Variants in TTC7B observed in about 807,000 individuals in gnomAD.
TTC7B encodes the protein tetratricopeptide repeat domain 7B.
TTC7B carries 28 observed loss-of-function variants against 106.8 expected under a neutral mutation model. The observed-to-expected ratio is 0.26, with a 90% CI of 0.19 to 0.36. The LOEUF (loss-of-function observed/expected upper bound fraction) is 0.36. Among genes scored for constraint, TTC7B ranks in the 10% least tolerant of loss-of-function variants. The probability of loss-of-function intolerance (pLI) is 1.00; values close to 1 mark genes in which losing one functional copy is unlikely to be tolerated. For missense variants in TTC7B, 862 were observed against 1,076.4 expected, an observed-to-expected ratio of 0.80 and a Z score of 2.79; for synonymous variants, 405 against 430.6, an observed-to-expected ratio of 0.94 and a Z score of 0.74.
chr14:90,768,975 A>G (rs1388601416), intron 3 of TTC7B, among the ~76,000 whole-genome samples: 2 of 152,226 alleles, frequency 1.3e-5, no homozygotes, highest in African/African-American at 4.8e-5. Flanking sequence ...CACTTAAAAG[A>G]ATTATTAGCT....
intron 19 of TTC7B, among the ~76,000 whole-genome samples, chr14:90,572,088 A>G (rs1170806110): frequency 2.6e-5 from 4 of 152,330 alleles, no homozygotes; most frequent in South Asian, 2.1e-4. Context: ...GAGAGAGAGA[A>G]AAACACCAGT....
chr14:90,644,703 C>T (rs1221039101), intron 14 of TTC7B: 3 of 152,984 alleles, frequency 2.0e-5, no homozygotes, highest in African/African-American at 7.2e-5. Context: ...AAACCTTTAA[C>T]AGAGCTTTCC....
intron 17 of TTC7B, among the ~76,000 whole-genome samples, chr14:90,601,425 T>C (rs1399295769): frequency 6.6e-6 from 1 of 152,252 alleles, no homozygotes; most frequent in Non-Finnish European, 1.5e-5. Flanking sequence ...CTTGAATTCC[T>C]TTCTCACTCT....
chr14:90,769,890 T>C (rs1160722159), intron 3 of TTC7B, among the ~76,000 whole-genome samples: 1 of 152,244 alleles, frequency 6.6e-6, no homozygotes, highest in Non-Finnish European at 1.5e-5. Context: ...GGCATGCTTC[T>C]GTAATCTCAG....
At chr14:90,681,414 T>G (rs1887042308) in intron 7 of TTC7B, among the ~76,000 whole-genome samples, 1 of 151,564 alleles carries the variant, frequency 6.6e-6, no homozygotes, top group African/African-American at 2.4e-5. Context: ...TAAAAACAAC[T>G]AAGTTTATGT....
At chr14:90,688,848 T>C (rs780511553) in intron 7 of TTC7B, among the ~76,000 whole-genome samples, 2 of 151,526 alleles carry the variant, frequency 1.3e-5, no homozygotes, top group Non-Finnish European at 2.9e-5. Context: ...AGCAGGAAAA[T>C]ATGGGAATTC....
At chr14:90,595,934 C>T (rs944689645) in intron 17 of TTC7B, among the ~76,000 whole-genome samples, 4 of 152,146 alleles carry the variant, frequency 2.6e-5, no homozygotes, top group Non-Finnish European at 4.4e-5. Flanking sequence ...AGCTCTCCTG[C>T]TTCCCTGCAG....
In TTC7B at chr14:90,771,437, T is replaced by C. The variant is rs141321703; in HGVS notation, c.445+9301A>G. ...GTCCAAACCCCATCTCTACAAAAAA[T>C]ACAAAAATTAACCAGGTGTGGTGGC... On this transcript the variant is annotated intron_variant, in intron 3 of 19. Transcript: ENST00000328459. 2.0e-5 allele frequency among the ~76,000 whole-genome samples: 3 copies of C among 151,988 alleles called. 1 individual carries two copies. Among genetic ancestry groups the C allele is most frequent in the African/African-American group, 2.4e-5 (1 of 41,460 alleles).
intron 3 of TTC7B, among the ~76,000 whole-genome samples, chr14:90,779,158 C>G (rs1324695155): frequency 2.0e-5 from 3 of 152,228 alleles, no homozygotes; most frequent in African/African-American, 4.8e-5. Context: ...CCACTTCTTG[C>G]CATGGCCTTA....
chr14:90,541,214 T>A lies in TTC7B; in HGVS notation c.*154A>T. The stretch of plus-strand genomic sequence containing the variant: ...GAAACGCACATGGCGAGAGCGATGA[T>A]TCGGGGTTGGTTTGGTTGGTTCACT... On this transcript the variant is annotated 3_prime_UTR_variant, in exon 20 of 20. Coordinates refer to ENST00000328459, the MANE Select transcript of TTC7B (RefSeq NM_001010854.2). 1.7e-6 allele frequency: 1 copy of A among 572,674 alleles called. No individual in the cohort carries two copies. Among genetic ancestry groups the A allele is most frequent in the Admixed American group, 3.4e-5 (1 of 29,128 alleles). The allele number at this position is 572,674 out of a possible 1,614,324, so 35.5% of individuals were successfully genotyped here. A position where few individuals can be genotyped will look rare whatever the true frequency, so the allele number is the denominator to read the frequency against.
chr14:90,619,566 AAAG>A (rs1336049293), intron 15 of TTC7B, among the ~76,000 whole-genome samples: 1 of 152,206 alleles, frequency 6.6e-6, no homozygotes, highest in African/African-American at 2.4e-5. Context: ...TTAATAATAA[AAAG>A]AAGAAAAAGA....
At chr14:90,782,016 C>A (rs1891235089) in intron 2 of TTC7B, among the ~76,000 whole-genome samples, 1 of 152,228 alleles carries the variant, frequency 6.6e-6, no homozygotes, top group Admixed American at 6.5e-5. Flanking sequence ...TACAGAAGCA[C>A]ACCATGAAAC....
intron 5 of TTC7B, among the ~76,000 whole-genome samples, chr14:90,696,472 G>A (rs1887753015): frequency 6.6e-6 from 1 of 152,114 alleles, no homozygotes; most frequent in Admixed American, 6.6e-5. Flanking sequence ...CCACAGTGTG[G>A]GTCAGCCAGT....
intron 3 of TTC7B, among the ~76,000 whole-genome samples, chr14:90,769,046 G>A (rs1051134060): frequency 3.9e-4 from 59 of 152,266 alleles, no homozygotes; most frequent in African/African-American, 1.0e-3. Context: ...ACAGAAAGGG[G>A]TGGGGATAGA....
chr14:90,696,653 A>G (rs1274864976), intron 5 of TTC7B, among the ~76,000 whole-genome samples: 1 of 152,184 alleles, frequency 6.6e-6, no homozygotes, highest in Non-Finnish European at 1.5e-5. Context: ...CCTACATGAC[A>G]TCCCAGGGCT....
chr14:90,747,295 C>T (rs1157876878), intron 3 of TTC7B, among the ~76,000 whole-genome samples: 1 of 152,198 alleles, frequency 6.6e-6, no homozygotes, highest in Non-Finnish European at 1.5e-5. Context: ...CTATAGGACT[C>T]GACTGGGAGA....
At chr14:90,714,219 A>G (rs576776739) in intron 5 of TTC7B, among the ~76,000 whole-genome samples, 2 of 152,106 alleles carry the variant, frequency 1.3e-5, no homozygotes, top group East Asian at 3.9e-4. Context: ...AACAAGAGCG[A>G]AACTCTGTCT....
At chr14:90,604,102 C>T (rs1250007627) in intron 17 of TTC7B, among the ~76,000 whole-genome samples, 1 of 152,194 alleles carries the variant, frequency 6.6e-6, no homozygotes, top group East Asian at 1.9e-4. Flanking sequence ...CTTACAGGAT[C>T]ACAGGGCTCA....
chr14:90,606,931 T>C (rs1389924103), intron 17 of TTC7B, among the ~76,000 whole-genome samples: 3 of 152,184 alleles, frequency 2.0e-5, no homozygotes, highest in Non-Finnish European at 4.4e-5. Flanking sequence ...CCAGGATATA[T>C]AATAATAGTA....
Sources: allele counts gnomAD v4.1 joint callset (sites outside exome capture counted in the v4.1 genomes callset), GRCh38; gene constraint gnomAD v4.1.1; transcripts MANE v1.5; gene names NCBI Gene and HGNC (gene_info 2026-07-23, HGNC 2026-07-21).